The following FBXL17 variants were observed in gnomAD, a reference collection of about 807,000 sequenced individuals.
The protein encoded by FBXL17 is F-box and leucine rich repeat protein 17.
A neutral mutation model predicts 66.2 loss-of-function variants in FBXL17; 22 were observed. That is an observed-to-expected ratio of 0.33 (90% CI 0.24 to 0.47). The LOEUF (loss-of-function observed/expected upper bound fraction) is 0.47, where lower values mean the gene tolerates loss of function less well. FBXL17 is among the 20% of genes least tolerant of loss of function. The pLI, the probability that FBXL17 is intolerant of heterozygous loss-of-function variation, is 1.00. For synonymous variants in FBXL17, 474 were observed against 400.5 expected (o/e 1.18, Z -2.19); for missense variants, 878 against 948.2 (o/e 0.93, Z 0.97).
intron 6 of FBXL17, among the ~76,000 whole-genome samples, chr5:108,124,494 A>AT (rs1275662651): frequency 1.3e-5 from 2 of 152,122 alleles, no homozygotes; most frequent in Non-Finnish European, 2.9e-5. Context: ...AAATTCAAGA[A>AT]TTTTAAAGAA....
intron 3 of FBXL17, among the ~76,000 whole-genome samples, chr5:108,351,157 G>A (rs1747626538): frequency 6.6e-6 from 1 of 152,090 alleles, no homozygotes; most frequent in Admixed American, 6.6e-5. Context: ...TAATTCCAAT[G>A]AAAACAAAAT....
intron 3 of FBXL17, among the ~76,000 whole-genome samples, chr5:108,352,777 G>A (rs138617481): frequency 0.016 from 2,479 of 152,284 alleles, 75 homozygotes; most frequent in African/African-American, 0.056. Flanking sequence ...CCAAAGTGCT[G>A]GGATTACAGG....
chr5:108,309,354 G>C (rs983818082), intron 4 of FBXL17, among the ~76,000 whole-genome samples: 4 of 151,820 alleles, frequency 2.6e-5, no homozygotes, highest in African/African-American at 7.2e-5. Flanking sequence ...GTGTTTGAAA[G>C]AACTCTGTAA....
chr5:108,226,317 T>C (rs1269005778), intron 4 of FBXL17, among the ~76,000 whole-genome samples: 1 of 152,210 alleles, frequency 6.6e-6, no homozygotes, highest in East Asian at 1.9e-4. Flanking sequence ...TAGTAGAAAA[T>C]ATTGAAATAA....
At chr5:108,069,902 AG>A (rs1176526913) in intron 6 of FBXL17, among the ~76,000 whole-genome samples, 1 of 152,194 alleles carries the variant, frequency 6.6e-6, no homozygotes, top group African/African-American at 2.4e-5. Context: ...TTTTGAAGCT[AG>A]ACAGCACTCC....
At chr5:108,169,287 A>G (rs958266760) in intron 6 of FBXL17, among the ~76,000 whole-genome samples, 22 of 152,214 alleles carry the variant, frequency 1.4e-4, no homozygotes, top group Admixed American at 7.9e-4. Flanking sequence ...AAATTACTGA[A>G]AGCTTCTAAT....
intron 4 of FBXL17, among the ~76,000 whole-genome samples, chr5:108,268,433 C>T (rs1228680256): frequency 1.3e-5 from 2 of 151,940 alleles, no homozygotes; most frequent in East Asian, 1.9e-4. Context: ...TCTGGTTCAA[C>T]GTTATCAGAA....
chr5:107,861,925 C>T, intron 8 of FBXL17, 65 bp from the exon 9 acceptor site: 1 of 1,389,072 alleles, frequency 7.2e-7, no homozygotes, highest in Non-Finnish European at 9.4e-7. Context: ...TGCCCACGCT[C>T]ACTGATGTGC....
At chr5:107,966,204 A>G (rs1480606635) in intron 7 of FBXL17, among the ~76,000 whole-genome samples, 1 of 152,052 alleles carries the variant, frequency 6.6e-6, no homozygotes, top group Non-Finnish European at 1.5e-5. Flanking sequence ...TTGGCTCTTC[A>G]TCTCCATATT....
intron 7 of FBXL17, among the ~76,000 whole-genome samples, chr5:107,998,327 A>G (rs1753564699): frequency 6.6e-6 from 1 of 152,200 alleles, no homozygotes; most frequent in African/African-American, 2.4e-5. Context: ...AGAATGAAAG[A>G]CATTTTAGGC....
intron 6 of FBXL17, among the ~76,000 whole-genome samples, chr5:108,115,271 CT>C (rs1750198243): frequency 6.6e-6 from 1 of 151,840 alleles, no homozygotes; most frequent in Non-Finnish European, 1.5e-5. Flanking sequence ...GAAGCATGGG[CT>C]TTATTCACTG....
chr5:108,296,138 T>C (rs1400212481), intron 4 of FBXL17, among the ~76,000 whole-genome samples: 1 of 151,780 alleles, frequency 6.6e-6, no homozygotes, highest in Non-Finnish European at 1.5e-5. Flanking sequence ...AATAAAGTTA[T>C]TTCCAAAGCT....
chr5:107,921,857 C>T (rs1338465418), intron 7 of FBXL17, among the ~76,000 whole-genome samples: 5 of 152,188 alleles, frequency 3.3e-5, no homozygotes, highest in African/African-American at 4.8e-5. Context: ...GACTATTCAG[C>T]ACTTGCTGAA....
chr5:108,018,087 T>C (rs575771991), intron 7 of FBXL17, among the ~76,000 whole-genome samples: 21 of 152,056 alleles, frequency 1.4e-4, no homozygotes, highest in African/African-American at 4.8e-4. Flanking sequence ...ACTAAAAGAA[T>C]GTACATACCC....
chr5:108,365,712 G>A (rs1441846310), intron 2 of FBXL17, among the ~76,000 whole-genome samples: 1 of 152,092 alleles, frequency 6.6e-6, no homozygotes, highest in African/African-American at 2.4e-5. Context: ...TATCTGAAGT[G>A]TGGGTAGTCT....
intron 7 of FBXL17, among the ~76,000 whole-genome samples, chr5:107,965,368 A>G (rs1279314932): frequency 6.6e-6 from 1 of 152,194 alleles, no homozygotes; most frequent in East Asian, 1.9e-4. Flanking sequence ...GGGATCAAAT[A>G]TAAAGAACTG....
At chr5:108,051,251 C>T (rs1747462605) in intron 6 of FBXL17, among the ~76,000 whole-genome samples, 1 of 152,188 alleles carries the variant, frequency 6.6e-6, no homozygotes, top group East Asian at 1.9e-4. Context: ...TCAGCACCAT[C>T]CTGATAGCAA....
intron 6 of FBXL17, among the ~76,000 whole-genome samples, chr5:108,078,664 A>G (rs541280102): frequency 6.6e-6 from 1 of 152,258 alleles, no homozygotes; most frequent in African/African-American, 2.4e-5. Flanking sequence ...GGTTTCATCT[A>G]TATAAAAAGA....
chr5:107,964,289 A>T (rs1337263497), intron 7 of FBXL17, among the ~76,000 whole-genome samples: 3 of 152,060 alleles, frequency 2.0e-5, no homozygotes, highest in Non-Finnish European at 4.4e-5. Context: ...TATATGATCA[A>T]ACAACAACAA....
Sources: allele counts gnomAD v4.1 joint callset (sites outside exome capture counted in the v4.1 genomes callset), GRCh38; gene constraint gnomAD v4.1.1; transcripts MANE v1.5; gene names NCBI Gene and HGNC (gene_info 2026-07-23, HGNC 2026-07-21).